The following ANKRD55 variants were observed in gnomAD, a reference collection of about 807,000 sequenced individuals.
ANKRD55 encodes the protein ankyrin repeat domain 55, also known as ankyrin repeat domain-containing protein 55.
In ANKRD55, 41 loss-of-function variants were observed where a neutral mutation model predicts 60.6. The ratio of observed to expected loss-of-function variants is 0.68; its 90% CI spans 0.53 to 0.88. The LOEUF is 0.88. Ranked by LOEUF, ANKRD55 falls within the 40% of genes least tolerant of loss-of-function variation. ANKRD55 has a pLI of 0.00. For missense variants in ANKRD55, 732 were observed against 767.6 expected, an observed-to-expected ratio of 0.95 and a Z score of 0.55; for synonymous variants, 264 against 290.3, an observed-to-expected ratio of 0.91 and a Z score of 0.92.
chr5:56,177,525 C>T (rs1162914587), intron 3 of ANKRD55, among the ~76,000 whole-genome samples: 1 of 152,010 alleles, frequency 6.6e-6, no homozygotes, highest in East Asian at 1.9e-4. Flanking sequence ...GCCTGTAATC[C>T]CAGCACTTTG....
chr5:56,111,042 G>C (rs1296871528), intron 10 of ANKRD55, 76 bp downstream of exon 10: 20 of 1,507,238 alleles, frequency 1.3e-5, no homozygotes, highest in Non-Finnish European at 1.8e-5. Context: ...TGTCACTCCA[G>C]TTCCTAGCTT....
intron 5 of ANKRD55, among the ~76,000 whole-genome samples, chr5:56,167,477 G>T (rs1203188088): frequency 1.3e-5 from 2 of 152,220 alleles, no homozygotes; most frequent in Non-Finnish European, 2.9e-5. Context: ...TTGATTTGCT[G>T]TATGGTTGTT....
intron 2 of ANKRD55, among the ~76,000 whole-genome samples, chr5:56,211,366 C>A (rs1203185628): frequency 6.6e-6 from 1 of 152,200 alleles, no homozygotes; most frequent in East Asian, 1.9e-4. Context: ...GTATGCCCAG[C>A]ACTGTGTAAG....
In ANKRD55 at chr5:56,143,783, C is replaced by T; in HGVS notation, c.612+18G>A. The T allele has an allele frequency of 6.2e-7, 1 of 1,614,048 alleles. No homozygotes were observed. The highest frequency in any genetic ancestry group is 2.2e-5 in the East Asian group (1 of 44,890). On this transcript the variant is annotated intron_variant, in intron 7 of 11. Transcript: ENST00000341048. The stretch of plus-strand genomic sequence containing the variant: ...CCACCATTTAAACCTGAGACCAGTC[C>T]ACAGGTCAATTTCTCACCTGGACTG...
intron 2 of ANKRD55, among the ~76,000 whole-genome samples, chr5:56,210,425 G>A (rs1016916442): frequency 6.6e-6 from 1 of 151,966 alleles, no homozygotes; most frequent in Admixed American, 6.5e-5. Context: ...AGCCGGGTGC[G>A]GTGGCGGGCG....
At chr5:56,225,987 A>C (rs1581034010) in intron 2 of ANKRD55, among the ~76,000 whole-genome samples, 1 of 152,334 alleles carries the variant, frequency 6.6e-6, no homozygotes, top group East Asian at 1.9e-4. Flanking sequence ...ACTACTTTAA[A>C]GTTCATATGA....
rs71602938 is a variant in ANKRD55, at chr5:56,106,420, C to CTTTTTTTTTTTTTTTTTTTTTT, written c.1631-3856_1631-3835dup. ...AATAAAATCCGTAAGGCTAGGAAAG[C>CTTTTTTTTTTTTTTTTTTTTTT]TTTTTTTTTTTTTTTTTTTTTTTGA... On this transcript the variant is annotated intron_variant, in intron 10 of 11. Transcript: ENST00000341048. Among the ~76,000 whole-genome samples, 31 of 96,914 alleles carry CTTTTTTTTTTTTTTTTTTTTTT rather than the reference C, an allele frequency of 3.2e-4. 5 individuals are homozygous for CTTTTTTTTTTTTTTTTTTTTTT. Among genetic ancestry groups the CTTTTTTTTTTTTTTTTTTTTTT allele is most frequent in the African/African-American group, 1.2e-3 (21 of 17,136 alleles). The allele number at this position is 96,914 out of a possible 152,430, so 63.6% of individuals were successfully genotyped here.
At chr5:56,157,741 T>G (rs1263698827) in intron 6 of ANKRD55, among the ~76,000 whole-genome samples, 1 of 152,174 alleles carries the variant, frequency 6.6e-6, no homozygotes, top group Non-Finnish European at 1.5e-5. Context: ...TATTACCCTA[T>G]TGTCCTGCCA....
intron 2 of ANKRD55, among the ~76,000 whole-genome samples, chr5:56,186,754 C>A (rs160290): frequency 0.01 from 1,550 of 152,244 alleles, 21 homozygotes; most frequent in African/African-American, 0.028. Context: ...CCATTAGGAA[C>A]CTTCCTAGGA....
chr5:56,146,287 AT>A lies in ANKRD55; in HGVS notation c.484-2359del, dbSNP rs58370601. 6.1e-3 allele frequency among the ~76,000 whole-genome samples: 875 copies of A among 142,478 alleles called. 2 individuals are homozygous for A. The highest frequency in any genetic ancestry group is 0.011 in the Middle Eastern group (3 of 266). 93.5% of individuals were successfully genotyped at this position (142,478 alleles called of 152,430 possible). Reference sequence around the variant, plus strand: ...ACGAATGACTTACTATGCTCCACTGATTTTTTTTTTTTTTTGAGATGGAGTT... The same window carrying A: ...ACGAATGACTTACTATGCTCCACTGATTTTTTTTTTTTTTGAGATGGAGTT... On this transcript the variant is annotated intron_variant, in intron 6 of 11. Transcript: ENST00000341048.
At chr5:56,157,817 CCGGCGCG>C in intron 6 of ANKRD55, among the ~76,000 whole-genome samples, 1 of 152,270 alleles carries the variant, frequency 6.6e-6, no homozygotes. Context: ...GAGACCGGAG[CCGGCGCG>C]CGTCCTCCTT....
chr5:56,119,278 T>C (rs550075352), intron 8 of ANKRD55, among the ~76,000 whole-genome samples: 18 of 152,282 alleles, frequency 1.2e-4, no homozygotes, highest in African/African-American at 4.1e-4. Context: ...TGCAACAACA[T>C]AGATGAGTGA....
chr5:56,102,370 G>A lies in ANKRD55; in HGVS notation c.1723+124C>T, dbSNP rs552525366. 674 of 592,774 alleles carry A rather than the reference G, an allele frequency of 1.1e-3. 4 individuals are homozygous for A. In the African/African-American group the frequency reaches 0.012, roughly 10 times the overall value. 36.7% of individuals were successfully genotyped at this position (592,774 alleles called of 1,614,324 possible). Reference sequence around the variant, plus strand: ...ATGTTCATTGCACTCTAGCCGGGGCGACAGCGCAAGACTCCATCTCAAAAA... The same window carrying A: ...ATGTTCATTGCACTCTAGCCGGGGCAACAGCGCAAGACTCCATCTCAAAAA... On this transcript the variant is annotated intron_variant, in intron 11 of 11. Coordinates refer to ENST00000341048, the MANE Select transcript of ANKRD55 (RefSeq NM_024669.3).
At chr5:56,137,958 T>C (rs1000661760) in intron 7 of ANKRD55, among the ~76,000 whole-genome samples, 1 of 151,936 alleles carries the variant, frequency 6.6e-6, no homozygotes, top group African/African-American at 2.4e-5. Flanking sequence ...AAACACAAAC[T>C]AAAACAACCA....
At chr5:56,204,024 T>C (rs1175591751) in intron 2 of ANKRD55, among the ~76,000 whole-genome samples, 1 of 152,242 alleles carries the variant, frequency 6.6e-6, no homozygotes, top group Non-Finnish European at 1.5e-5. Flanking sequence ...ATTGCTGTTC[T>C]AACTGGTGTG....
intron 7 of ANKRD55, 105 bp from the exon 8 acceptor site, chr5:56,127,211 G>A (rs547060149): frequency 5.3e-5 from 69 of 1,306,224 alleles, no homozygotes; most frequent in South Asian, 4.5e-4. Flanking sequence ...AAGAAAGAAA[G>A]AAAGAAAAAA....
chr5:56,170,417 G>C (rs192069891), intron 5 of ANKRD55, among the ~76,000 whole-genome samples: 3 of 152,212 alleles, frequency 2.0e-5, no homozygotes, highest in East Asian at 3.9e-4. Flanking sequence ...ATAATTGACT[G>C]ACTGATTAAT....
rs780320453 is a variant in ANKRD55, at chr5:56,232,951, A to C, written c.-33-5T>G. 1 of 1,599,756 alleles carries C rather than the reference A, an allele frequency of 6.3e-7. No individual in the cohort carries two copies. Among genetic ancestry groups the C allele is most frequent in the Non-Finnish European group, 8.6e-7 (1 of 1,167,124 alleles). On this transcript the variant is annotated splice_polypyrimidine_tract_variant and splice_region_variant and intron_variant, in intron 1 of 11. Transcript: ENST00000341048. Reference sequence around the variant, plus strand: ...TGGCAAAAAGCATCCAGGTCTCTAGAGAGGAGAAAACACCATCTCAAACCT... The same window carrying C: ...TGGCAAAAAGCATCCAGGTCTCTAGCGAGGAGAAAACACCATCTCAAACCT...
chr5:56,199,712 A>T (rs1184078857), intron 2 of ANKRD55, among the ~76,000 whole-genome samples: 1 of 151,870 alleles, frequency 6.6e-6, no homozygotes, highest in Non-Finnish European at 1.5e-5. Context: ...AACACGGTGA[A>T]ACCCTGTCTC....
Sources: allele counts gnomAD v4.1 joint callset (sites outside exome capture counted in the v4.1 genomes callset), GRCh38; gene constraint gnomAD v4.1.1; transcripts MANE v1.5; gene names NCBI Gene and HGNC (gene_info 2026-07-23, HGNC 2026-07-21).